The following C2orf76 variants were observed in gnomAD, a reference collection of about 807,000 sequenced individuals.
C2orf76 encodes chromosome 2 open reading frame 76, also known as UPF0538 protein C2orf76.
Under a neutral mutation model 16.9 loss-of-function variants are expected in C2orf76, and 23 were observed. The observed-to-expected ratio is 1.36, with a 90% confidence interval of 0.98 to 1.93. C2orf76 has a LOEUF of 1.93. Among genes scored for constraint, C2orf76 ranks in the 30% most tolerant of loss-of-function variants. The pLI is 0.00. For missense variants in C2orf76, 152 were observed against 152.6 expected (o/e 1.00, Z 0.02); for synonymous variants, 48 against 52.3 (o/e 0.92, Z 0.35).
At chr2:119,334,385 A>AG in intron 2 of C2orf76, among the ~76,000 whole-genome samples, 1 of 147,330 alleles carries the variant, frequency 6.8e-6, no homozygotes, top group South Asian at 2.1e-4. Flanking sequence ...AAAGCAAAAA[A>AG]AAAAAAAAAA....
intron 5 of C2orf76, among the ~76,000 whole-genome samples, chr2:119,306,899 CT>C (rs552335047): frequency 6.6e-6 from 1 of 151,854 alleles, no homozygotes; most frequent in Admixed American, 6.6e-5. Flanking sequence ...CTTCAAACAC[CT>C]TTTTTTCCCC....
intron 1 of C2orf76, 40 bp from the exon 2 acceptor site, chr2:119,340,011 C>T (rs771905272): frequency 1.3e-6 from 2 of 1,584,576 alleles, no homozygotes; most frequent in Non-Finnish European, 1.7e-6. Flanking sequence ...ATGAAGCCAG[C>T]TCACAGTTGT....
downstream of C2orf76, among the ~76,000 whole-genome samples, chr2:119,300,717 G>C (rs1469218136): frequency 6.6e-6 from 1 of 152,188 alleles, no homozygotes; most frequent in Non-Finnish European, 1.5e-5. Flanking sequence ...CATTAGCCTA[G>C]AGTTGGGCAA....
At chr2:119,339,311 G>A (rs754140850) in intron 2 of C2orf76, among the ~76,000 whole-genome samples, 1 of 152,158 alleles carries the variant, frequency 6.6e-6, no homozygotes, top group Non-Finnish European at 1.5e-5. Flanking sequence ...GGACATAACA[G>A]AATGAAGACT....
the C2orf76 span, among the ~76,000 whole-genome samples, chr2:119,290,808 C>T: frequency 9.9e-5 from 15 of 151,858 alleles, no homozygotes; most frequent in African/African-American, 3.6e-4. Flanking sequence ...CCAGCCTGGG[C>T]GACAGAGTGA....
intron 2 of C2orf76, among the ~76,000 whole-genome samples, chr2:119,328,804 G>A (rs1679587859): frequency 6.6e-6 from 1 of 152,084 alleles, no homozygotes; most frequent in Non-Finnish European, 1.5e-5. Context: ...TTTCCACTCA[G>A]TTCAAAATAC....
At chr2:119,299,425 G>A (rs1161323432), downstream of C2orf76, among the ~76,000 whole-genome samples, 2 of 152,150 alleles carry the variant, frequency 1.3e-5, no homozygotes, top group Non-Finnish European at 2.9e-5. Context: ...AAAGTATATT[G>A]AGAGATTTTC....
chr2:119,366,081 C>A (rs1680967844), intron 1 of C2orf76, among the ~76,000 whole-genome samples: 1 of 152,066 alleles, frequency 6.6e-6, no homozygotes, highest in Non-Finnish European at 1.5e-5. Context: ...TACTCCCCCT[C>A]CTCCATTTAA....
At chr2:119,285,991 G>T in the C2orf76 span, among the ~76,000 whole-genome samples, 1 of 152,086 alleles carries the variant, frequency 6.6e-6, no homozygotes, top group Non-Finnish European at 1.5e-5. Flanking sequence ...ACTTTGGGAG[G>T]CCAAGGCGGG....
At chr2:119,363,985 T>C (rs1040478283) in intron 1 of C2orf76, among the ~76,000 whole-genome samples, 6 of 151,700 alleles carry the variant, frequency 4.0e-5, no homozygotes, top group African/African-American at 1.5e-4. Flanking sequence ...GCCACTGCAC[T>C]CCAGCCTGGG....
At chr2:119,358,495 T>C (rs1182124640) in intron 1 of C2orf76, among the ~76,000 whole-genome samples, 2 of 150,940 alleles carry the variant, frequency 1.3e-5, no homozygotes, top group African/African-American at 2.4e-5. Flanking sequence ...GGAGAATCAC[T>C]TGAATCCGGG....
chr2:119,314,155 C>T (rs890026458), intron 4 of C2orf76, among the ~76,000 whole-genome samples: 1 of 151,576 alleles, frequency 6.6e-6, no homozygotes, highest in African/African-American at 2.4e-5. Context: ...CTTCTTCACG[C>T]CAAGATTTTT....
chr2:119,325,326 G>A (rs1009280470), intron 2 of C2orf76, among the ~76,000 whole-genome samples: 1 of 151,978 alleles, frequency 6.6e-6, no homozygotes, highest in Non-Finnish European at 1.5e-5. Flanking sequence ...CAGGCGTGGT[G>A]GCGGGTGCCT....
intron 3 of C2orf76, among the ~76,000 whole-genome samples, chr2:119,319,927 A>G (rs1016546843): frequency 9.2e-5 from 14 of 152,224 alleles, no homozygotes; most frequent in African/African-American, 3.1e-4. Context: ...ATTGTTAAAC[A>G]GCCAAGTTCA....
intron 2 of C2orf76, among the ~76,000 whole-genome samples, chr2:119,323,133 C>A (rs924249807): frequency 2.0e-5 from 3 of 151,894 alleles, no homozygotes; most frequent in Non-Finnish European, 2.9e-5. Context: ...CCTCCCACCT[C>A]AGCCTCCCAA....
intron 5 of C2orf76, among the ~76,000 whole-genome samples, chr2:119,305,710 G>A (rs539601853): frequency 2.0e-5 from 3 of 152,018 alleles, no homozygotes; most frequent in Non-Finnish European, 2.9e-5. Context: ...CCTCTCTCCC[G>A]CTCTAGGAGT....
chr2:119,298,289 TGG>T (rs1678569727), downstream of C2orf76, among the ~76,000 whole-genome samples: 2 of 152,224 alleles, frequency 1.3e-5, no homozygotes, highest in African/African-American at 4.8e-5. Context: ...TTTTAGTGAA[TGG>T]TATGAAGTAG....
chr2:119,327,378 G>T (rs1292939032), intron 2 of C2orf76, among the ~76,000 whole-genome samples: 3 of 86,586 alleles, frequency 3.5e-5, no homozygotes, highest in Admixed American at 1.8e-4. Flanking sequence ...AACCAGCATT[G>T]CATTCTTAGG....
At chr2:119,353,163 C>CA (rs143456052) in intron 1 of C2orf76, among the ~76,000 whole-genome samples, 2,394 of 148,004 alleles carry the variant, frequency 0.016, 48 homozygotes, top group African/African-American at 0.05. Flanking sequence ...GTCATTTTAT[C>CA]AAAAAAAAAA....
Sources: gnomAD v4.1 joint callset for allele counts (sites outside exome capture counted in the v4.1 genomes callset) on GRCh38, gnomAD v4.1.1 for gene constraint, MANE v1.5 for transcripts, NCBI Gene and HGNC (gene_info 2026-07-23, HGNC 2026-07-21) for gene names.